DENND2C: variants seen among roughly 807,000 people sequenced by gnomAD.
DENND2C encodes DENN domain containing 2C, also known as DENN domain-containing protein 2C.
A neutral mutation model predicts 112.4 loss-of-function variants in DENND2C; 72 were observed. That is an observed-to-expected ratio of 0.64 (90% CI 0.53 to 0.78). The LOEUF is 0.78. Ranked by LOEUF, DENND2C falls within the 30% of genes least tolerant of loss-of-function variation. DENND2C has a pLI of 0.00. For missense variants in DENND2C, 992 were observed against 1,113.8 expected (o/e 0.89, Z 1.56); for synonymous variants, 329 against 381.6 (o/e 0.86, Z 1.61).
rs1376524460 is a variant in DENND2C, at chr1:114,654,707, CG to C, written c.-520del. ...AAGATTAAGTTTTGGTACATACAGC[CG>C]GAACTGGAAATAGCAAGTGGTTTAA... On this transcript the variant is annotated 5_prime_UTR_variant, in exon 2 of 21. Coordinates refer to ENST00000393274, the MANE Select transcript of DENND2C (RefSeq NM_001256404.2). 1 of 151,090 alleles carries C rather than the reference CG, an allele frequency of 6.6e-6. No individual in the cohort carries two copies. The highest frequency in any genetic ancestry group is 1.9e-4 in the East Asian group (1 of 5,154). The allele number at this position is 151,090 out of a possible 1,614,324, so 9.4% of individuals were successfully genotyped here. A position where few individuals can be genotyped will look rare whatever the true frequency, so the allele number is the denominator to read the frequency against.
chr1:114,669,480 T>A (rs1006761447), intron 1 of DENND2C, among the ~76,000 whole-genome samples: 3 of 152,216 alleles, frequency 2.0e-5, no homozygotes, highest in African/African-American at 7.2e-5. Context: ...TAAATTAAAA[T>A]TCTACTTGAC....
intron 3 of DENND2C, among the ~76,000 whole-genome samples, chr1:114,635,026 TAAAAAAAAAA>T (rs374636363): frequency 1.1e-5 from 1 of 94,716 alleles, no homozygotes; most frequent in Non-Finnish European, 2.0e-5. Context: ...AGACTCCGTC[TAAAAAAAAAA>T]AAAAAAAAGA....
At chr1:114,586,703 T>C (rs1655048606) in intron 20 of DENND2C, 1 of 150,964 alleles carries the variant, frequency 6.6e-6, no homozygotes, top group Non-Finnish European at 1.5e-5. Context: ...TTTATTTTTA[T>C]TTATTTTTTA....
intron 19 of DENND2C, 120 bp downstream of exon 19, chr1:114,587,596 C>T (rs1400151332): frequency 2.1e-6 from 3 of 1,410,308 alleles, no homozygotes; most frequent in Non-Finnish European, 2.9e-6. Context: ...AAATAATTCT[C>T]ATAATAAACA....
At chr1:114,592,374 T>A (rs1655218389) in intron 18 of DENND2C, among the ~76,000 whole-genome samples, 1 of 152,194 alleles carries the variant, frequency 6.6e-6, no homozygotes, top group Non-Finnish European at 1.5e-5. Context: ...AGCCTTCCAG[T>A]CTTGTTCTTT....
intron 3 of DENND2C, among the ~76,000 whole-genome samples, chr1:114,640,996 A>G (rs1037369677): frequency 6.6e-6 from 1 of 152,216 alleles, no homozygotes; most frequent in South Asian, 2.1e-4. Context: ...TTGACAATGC[A>G]CAGAAATTCT....
In DENND2C at chr1:114,587,480, G is replaced by A. The variant is rs1655068787; in HGVS notation, c.2669-7C>T. 6.2e-7 allele frequency: 1 copy of A among 1,614,044 alleles called. No individual in the cohort carries two copies. The highest frequency in any genetic ancestry group is 1.3e-5 in the African/African-American group (1 of 75,022). ...GCCCGGATCTCAAACAAACCTACAA[G>A]GAAAAACTCATGTTGGTGAAACTGT... is the stretch of plus-strand genomic sequence containing the variant. On this transcript the variant is annotated splice_region_variant and splice_polypyrimidine_tract_variant and intron_variant, in intron 19 of 20. Coordinates refer to ENST00000393274, the MANE Select transcript of DENND2C (RefSeq NM_001256404.2).
At chr1:114,657,388 A>G (rs1318044082) in intron 1 of DENND2C, among the ~76,000 whole-genome samples, 2 of 152,202 alleles carry the variant, frequency 1.3e-5, no homozygotes, top group African/African-American at 4.8e-5. Context: ...AAACTCCAAA[A>G]CATTGGTAAT....
chr1:114,612,803 C>G (rs1324517848), intron 8 of DENND2C, among the ~76,000 whole-genome samples: 1 of 152,084 alleles, frequency 6.6e-6, no homozygotes, highest in African/African-American at 2.4e-5. Context: ...TAGGCATGAG[C>G]CACCGCACCC....
chr1:114,595,222 T>C, intron 17 of DENND2C: 1 of 153,292 alleles, frequency 6.5e-6, no homozygotes, highest in Non-Finnish European at 1.5e-5. Flanking sequence ...GGCTCACGCC[T>C]GTAATCCCAG....
rs560384403 is a variant in DENND2C, at chr1:114,663,756, G to T, written c.-574+6227C>A. On this transcript the variant is annotated intron_variant, in intron 1 of 20. Coordinates refer to ENST00000393274, the MANE Select transcript of DENND2C (RefSeq NM_001256404.2). The stretch of plus-strand genomic sequence containing the variant: ...AAAATTATATGAAATTCAAATTTCA[G>T]TGTCCATAAATAAAGTTTTATTGGA... Among the ~76,000 whole-genome samples, 328 of 152,246 alleles carry T rather than the reference G, an allele frequency of 2.2e-3. 1 individual carries two copies. The highest frequency in any genetic ancestry group is 0.017 in the Middle Eastern group (5 of 294).
chr1:114,589,218 T>TC (rs1655120526), intron 18 of DENND2C, among the ~76,000 whole-genome samples: 6 of 152,080 alleles, frequency 3.9e-5, no homozygotes, highest in Middle Eastern at 3.2e-3. Context: ...AATCGTCTTT[T>TC]TCCCCCCGCC....
intron 3 of DENND2C, among the ~76,000 whole-genome samples, chr1:114,626,717 G>T (rs148563463): frequency 5.1e-4 from 78 of 151,844 alleles, no homozygotes; most frequent in Non-Finnish European, 7.4e-4. Context: ...TCTCCATGTT[G>T]CCCAGGCTGG....
At chr1:114,586,260 C>T (rs1655034270) in intron 20 of DENND2C, among the ~76,000 whole-genome samples, 1 of 152,094 alleles carries the variant, frequency 6.6e-6, no homozygotes, top group Non-Finnish European at 1.5e-5. Flanking sequence ...TCTTTTGCCT[C>T]AGAAGTCCCT....
chr1:114,618,006 T>G (rs1176631334), intron 8 of DENND2C, among the ~76,000 whole-genome samples: 2 of 143,600 alleles, frequency 1.4e-5, no homozygotes, highest in East Asian at 4.1e-4. Context: ...TTTTTTTTTT[T>G]GAGATGGAGT....
chr1:114,636,365 T>C (rs1656655982), intron 3 of DENND2C, among the ~76,000 whole-genome samples: 1 of 152,162 alleles, frequency 6.6e-6, no homozygotes, highest in East Asian at 1.9e-4. Context: ...TATTCAACAT[T>C]GTAAAAGAAG....
In DENND2C at chr1:114,651,276, T is replaced by TACACACACAC. The variant is rs57202953; in HGVS notation, c.-317+3219_-317+3228dup. 4.7e-3 allele frequency among the ~76,000 whole-genome samples: 651 copies of TACACACACAC among 139,354 alleles called. 2 individuals carry two copies. Among genetic ancestry groups the TACACACACAC allele is most frequent in the African/African-American group, 0.012 (447 of 36,644 alleles). The allele number at this position is 139,354 out of a possible 152,430, so 91.4% of individuals were successfully genotyped here. A position where few individuals can be genotyped will look rare whatever the true frequency, so the allele number is the denominator to read the frequency against. On this transcript the variant is annotated intron_variant, in intron 2 of 20. Transcript: ENST00000393274. ...AACACAGTGAGACCTTCCCTACACA[T>TACACACACAC]ACACACACACACACACACACACACA... is the stretch of plus-strand genomic sequence containing the variant.
intron 18 of DENND2C, among the ~76,000 whole-genome samples, chr1:114,591,198 GCTCAAGTGATT>G (rs1655180310): frequency 6.6e-6 from 1 of 152,052 alleles, no homozygotes; most frequent in Non-Finnish European, 1.5e-5. Flanking sequence ...GAACTCCTGG[GCTCAAGTGATT>G]CTCCCACCTT....
intron 18 of DENND2C, among the ~76,000 whole-genome samples, chr1:114,590,191 T>C (rs1655146052): frequency 6.6e-6 from 1 of 152,070 alleles, no homozygotes; most frequent in Admixed American, 6.6e-5. Context: ...CCCAAGAGCT[T>C]AGGACAAGGC....
Sources: gnomAD v4.1 joint callset for allele counts (sites outside exome capture counted in the v4.1 genomes callset) on GRCh38, gnomAD v4.1.1 for gene constraint, MANE v1.5 for transcripts, NCBI Gene and HGNC (gene_info 2026-07-23, HGNC 2026-07-21) for gene names.